The following CRY1 variants were observed in gnomAD, a reference collection of about 807,000 sequenced individuals.
The protein encoded by CRY1 is cryptochrome-1.
Under a neutral mutation model 76.0 loss-of-function variants are expected in CRY1, and 45 were observed. That is an observed-to-expected ratio of 0.59 (90% confidence interval 0.47 to 0.76). The LOEUF (loss-of-function observed/expected upper bound fraction) is 0.76, where lower values mean the gene tolerates loss of function less well. Ranked by LOEUF, CRY1 falls within the 30% of genes least tolerant of loss-of-function variation. The pLI is 0.00. For missense variants in CRY1, 587 were observed against 716.4 expected (o/e 0.82, Z 2.06); for synonymous variants, 248 against 244.0 (o/e 1.02, Z -0.15).
intron 1 of CRY1, among the ~76,000 whole-genome samples, chr12:107,058,266 A>C (rs897499952): frequency 6.6e-6 from 1 of 152,162 alleles, no homozygotes; most frequent in African/African-American, 2.4e-5. Flanking sequence ...AGCACCTGGT[A>C]AATACATACA....
intron 1 of CRY1, among the ~76,000 whole-genome samples, chr12:107,056,292 G>A (rs1593528946): frequency 6.6e-6 from 1 of 152,206 alleles, no homozygotes; most frequent in Non-Finnish European, 1.5e-5. Flanking sequence ...TTGGCACTCA[G>A]CAGAAAAAGA....
intron 1 of CRY1, among the ~76,000 whole-genome samples, chr12:107,037,838 A>G (rs1952753655): frequency 6.6e-6 from 1 of 152,096 alleles, no homozygotes. Flanking sequence ...CCTCCCAAGT[A>G]GCTGGGACTA....
At chr12:107,090,116 G>C (rs1019854972) in intron 1 of CRY1, among the ~76,000 whole-genome samples, 2 of 149,766 alleles carry the variant, frequency 1.3e-5, no homozygotes, top group African/African-American at 4.9e-5. Flanking sequence ...TTGAGACAGA[G>C]TCTGGCTCTG....
intron 10 of CRY1, among the ~76,000 whole-genome samples, chr12:106,994,930 T>C (rs1441345491): frequency 2.0e-5 from 3 of 152,358 alleles, no homozygotes; most frequent in South Asian, 2.1e-4. Flanking sequence ...AGAAGGAACA[T>C]TTCTCAAGTA....
At chr12:107,036,616 C>T (rs1316799806) in intron 1 of CRY1, among the ~76,000 whole-genome samples, 2 of 150,366 alleles carry the variant, frequency 1.3e-5, no homozygotes, top group Non-Finnish European at 3.0e-5. Flanking sequence ...CTTAAAATGG[C>T]TTTCTAGGTC....
chr12:107,017,565 C>T (rs974296373), intron 2 of CRY1, among the ~76,000 whole-genome samples: 3 of 152,160 alleles, frequency 2.0e-5, no homozygotes, highest in African/African-American at 7.2e-5. Flanking sequence ...TGTGGCCTCC[C>T]AAAGTTAGAT....
chr12:107,074,143 C>G, intron 1 of CRY1, among the ~76,000 whole-genome samples: 1 of 152,052 alleles, frequency 6.6e-6, no homozygotes. Context: ...CCTTTCTATT[C>G]CCACATTACC....
At chr12:107,021,449 T>A (rs975445656) in intron 2 of CRY1, among the ~76,000 whole-genome samples, 9 of 152,148 alleles carry the variant, frequency 5.9e-5, no homozygotes, top group African/African-American at 2.2e-4. Context: ...GCATTTATAC[T>A]AGCAAAAGGC....
intron 1 of CRY1, among the ~76,000 whole-genome samples, chr12:107,056,265 C>A (rs957547246): frequency 2.0e-5 from 3 of 152,172 alleles, no homozygotes; most frequent in African/African-American, 4.8e-5. Context: ...CTCCTCCACA[C>A]CTTTTGTGAG....
chr12:107,036,020 G>C (rs924815878), intron 1 of CRY1, among the ~76,000 whole-genome samples: 21 of 152,290 alleles, frequency 1.4e-4, no homozygotes, highest in Admixed American at 3.3e-4. Flanking sequence ...GCTCCAGCTA[G>C]TTATCTTCTA....
rs74963768 is a variant in CRY1, at chr12:107,041,121, G to T, written c.159-18929C>A. On this transcript the variant is annotated intron_variant, in intron 1 of 12. Coordinates refer to ENST00000008527, the MANE Select transcript of CRY1 (RefSeq NM_004075.5). Reference sequence around the variant, plus strand: ...AGAGAAATATGAGAGGTGAAGCTAAGAATTAATTAGATAACATGTAGAACC... The same window carrying T: ...AGAGAAATATGAGAGGTGAAGCTAATAATTAATTAGATAACATGTAGAACC... Among the ~76,000 whole-genome samples the T allele has an allele frequency of 5.2e-3, 787 of 151,626 alleles. 7 individuals carry two copies. The highest frequency in any genetic ancestry group is 0.018 in the African/African-American group (738 of 41,326).
At chr12:107,065,187 T>TCAGG (rs1953095740) in intron 1 of CRY1, among the ~76,000 whole-genome samples, 1 of 151,986 alleles carries the variant, frequency 6.6e-6, no homozygotes, top group Non-Finnish European at 1.5e-5. Flanking sequence ...TTCCAGCTAC[T>TCAGG]CAGGAATGAG....
intron 1 of CRY1, among the ~76,000 whole-genome samples, chr12:107,072,708 CAT>C (rs1953204498): frequency 6.6e-6 from 1 of 152,220 alleles, no homozygotes; most frequent in Non-Finnish European, 1.5e-5. Context: ...CATATTAACA[CAT>C]ATGTGCATAT....
Position 106,992,788 on chromosome 12 carries a change from T to C in CRY1, c.1760A>G (p.Ter587TrpextTer42). ...GPKVQRQSTN[*>W] ...GAAATACAGCTCTAAAATATTTACC[T>C]AATTAGTGCTCTGTCTCTGGACTTT... The change falls in exon 12 of 13, where the codon TAG becomes TGG. Residue 587 changes from the stop codon to tryptophan, a stop_lost and splice_region_variant. Coordinates refer to ENST00000008527, the MANE Select transcript of CRY1 (RefSeq NM_004075.5). 6.2e-7 allele frequency: 1 copy of C among 1,609,624 alleles called. No individual in the cohort carries two copies. Among genetic ancestry groups the C allele is most frequent in the South Asian group, 1.1e-5 (1 of 90,962 alleles).
chr12:107,069,561 ATATATATATAAAG>A (rs1242325144), intron 1 of CRY1, among the ~76,000 whole-genome samples: 41 of 72,894 alleles, frequency 5.6e-4, no homozygotes, highest in Admixed American at 1.2e-3. Flanking sequence ...TATATATATA[ATATATATATAAAG>A]TATATATATA....
At chr12:107,068,727 T>C (rs1400029668) in intron 1 of CRY1, among the ~76,000 whole-genome samples, 3 of 152,222 alleles carry the variant, frequency 2.0e-5, no homozygotes, top group African/African-American at 7.2e-5. Context: ...GATTACCTTG[T>C]ACCCATTAAG....
intron 5 of CRY1, among the ~76,000 whole-genome samples, chr12:107,000,801 C>T (rs1410325578): frequency 6.6e-6 from 1 of 151,808 alleles, no homozygotes; most frequent in East Asian, 1.9e-4. Context: ...AGGCACACAC[C>T]ACCACCCTGG....
intron 1 of CRY1, among the ~76,000 whole-genome samples, chr12:107,029,477 C>G (rs1478782389): frequency 1.3e-5 from 2 of 151,762 alleles, no homozygotes; most frequent in Non-Finnish European, 2.9e-5. Flanking sequence ...GCCTGTAGTC[C>G]TAACTACTTG....
chr12:107,004,987 C>T lies in CRY1; in HGVS notation c.410+119G>A, dbSNP rs182343475. On this transcript the variant is annotated intron_variant, in intron 3 of 12. Coordinates refer to ENST00000008527, the MANE Select transcript of CRY1 (RefSeq NM_004075.5). Reference sequence around the variant, plus strand: ...TACATGTTATTTCTACTTTATAAACCTCAGTTAAAAACTTATCTATGTAGT... The same window carrying T: ...TACATGTTATTTCTACTTTATAAACTTCAGTTAAAAACTTATCTATGTAGT... 6.8e-4 allele frequency: 557 copies of T among 818,300 alleles called. 4 individuals are homozygous for T. In the East Asian group the frequency reaches 0.011, roughly 17 times the overall value. The allele number at this position is 818,300 out of a possible 1,614,324, so 50.7% of individuals were successfully genotyped here. A position where few individuals can be genotyped will look rare whatever the true frequency, so the allele number is the denominator to read the frequency against.
Sources: gnomAD v4.1 joint callset for allele counts (sites outside exome capture counted in the v4.1 genomes callset) on GRCh38, gnomAD v4.1.1 for gene constraint, MANE v1.5 for transcripts, NCBI Gene and HGNC (gene_info 2026-07-23, HGNC 2026-07-21) for gene names.